The following FAM114A2 variants were observed in gnomAD, a reference collection of about 807,000 sequenced individuals.
FAM114A2 encodes the protein protein FAM114A2.
In FAM114A2, 53 loss-of-function variants were observed where a neutral mutation model predicts 58.4. The ratio of observed to expected loss-of-function variants is 0.91; its 90% confidence interval spans 0.73 to 1.14. The LOEUF (loss-of-function observed/expected upper bound fraction) is 1.14. Among genes scored for constraint, FAM114A2 ranks in the 50% most tolerant of loss-of-function variants. The pLI is 0.00. For synonymous variants in FAM114A2, 228 were observed against 211.4 expected (o/e 1.08, Z -0.68); for missense variants, 601 against 581.1 (o/e 1.03, Z -0.35).
intron 12 of FAM114A2, among the ~76,000 whole-genome samples, chr5:153,996,833 C>G (rs1443839849): frequency 6.6e-6 from 1 of 151,546 alleles, no homozygotes; most frequent in Admixed American, 6.6e-5. Context: ...CCTGTCTCTA[C>G]TAAAAATACA....
chr5:154,024,214 T>C (rs1771629777), intron 8 of FAM114A2, among the ~76,000 whole-genome samples: 1 of 152,196 alleles, frequency 6.6e-6, no homozygotes, highest in African/African-American at 2.4e-5. Flanking sequence ...CTCAAACTTG[T>C]TGGTCTCAGG....
intron 4 of FAM114A2, 69 bp downstream of exon 4, chr5:154,033,722 A>G: frequency 1.1e-6 from 1 of 883,788 alleles, no homozygotes; most frequent in Non-Finnish European, 1.9e-6. Context: ...ATAAATACCT[A>G]CTGAAAAATT....
chr5:153,990,531 T>G lies in FAM114A2; in HGVS notation c.*2445A>C, dbSNP rs1186875406. The G allele has an allele frequency of 6.7e-6, 1 of 150,056 alleles. No individual in the cohort carries two copies. Among genetic ancestry groups the G allele is most frequent in the African/African-American group, 2.4e-5 (1 of 40,832 alleles). 9.3% of individuals were successfully genotyped at this position (150,056 alleles called of 1,614,324 possible). ...AAAAAAAAAAACTATCAAAAGCAAGTAAGGAAAATATAGCTTGTCCTTAAC... is the reference window on the plus strand; with the variant it reads ...AAAAAAAAAAACTATCAAAAGCAAGGAAGGAAAATATAGCTTGTCCTTAAC... On this transcript the variant is annotated 3_prime_UTR_variant, in exon 14 of 14. Transcript: ENST00000351797.
chr5:154,020,489 A>G (rs1431810276), intron 8 of FAM114A2, among the ~76,000 whole-genome samples: 1 of 152,252 alleles, frequency 6.6e-6, no homozygotes, highest in East Asian at 1.9e-4. Context: ...ACAGAAATAC[A>G]AACTACCATC....
chr5:154,003,232 G>A (rs533897247), intron 9 of FAM114A2, among the ~76,000 whole-genome samples: 74 of 149,316 alleles, frequency 5.0e-4, no homozygotes, highest in African/African-American at 1.7e-3. Context: ...AGGCTGGAGT[G>A]CAATGGCACA....
chr5:153,992,862 T>C lies in FAM114A2; in HGVS notation c.*114A>G. The C allele has an allele frequency of 1.1e-6, 1 of 903,518 alleles. No homozygotes were observed. Among genetic ancestry groups the C allele is most frequent in the East Asian group, 2.6e-5 (1 of 38,846 alleles). 56.0% of individuals were successfully genotyped at this position (903,518 alleles called of 1,614,324 possible). On this transcript the variant is annotated 3_prime_UTR_variant, in exon 14 of 14. Coordinates refer to ENST00000351797, the MANE Select transcript of FAM114A2 (RefSeq NM_018691.4). ...ATCTTCCTCTTTAAACCATCTCTCC[T>C]GCCTGAATTTTTATATACTAAAATA...
chr5:154,031,547 G>GAAGACAGA (rs1554084887), intron 4 of FAM114A2, among the ~76,000 whole-genome samples: 19 of 152,228 alleles, frequency 1.2e-4, no homozygotes, highest in African/African-American at 4.1e-4. Context: ...AGGAACTTTA[G>GAAGACAGA]AAGATAGAAG....
rs940327274 is a variant in FAM114A2, at chr5:154,027,107, A to G, written c.789+69T>C. On this transcript the variant is annotated intron_variant, in intron 7 of 13. Coordinates refer to ENST00000351797, the MANE Select transcript of FAM114A2 (RefSeq NM_018691.4). Reference sequence around the variant, plus strand: ...CACTTCATCTTCCAAATGTACAAAGAGAAAGGAAACCATGCAGCATTCTTT... The same window carrying G: ...CACTTCATCTTCCAAATGTACAAAGGGAAAGGAAACCATGCAGCATTCTTT... The G allele has an allele frequency of 3.3e-4, 436 of 1,301,744 alleles. 2 individuals carry two copies. The highest frequency in any genetic ancestry group is 4.4e-4 in the Non-Finnish European group (414 of 935,222). 80.6% of individuals were successfully genotyped at this position (1,301,744 alleles called of 1,614,324 possible). A position where few individuals can be genotyped will look rare whatever the true frequency, so the allele number is the denominator to read the frequency against.
rs1490836305 is a variant in FAM114A2 at position 154,034,926 on chromosome 5, G to C, written c.28C>G (p.Pro10Ala). The change falls in exon 2 of 14, where the codon CCA becomes GCA. Residue 10 changes from proline to alanine, a missense_variant. Coordinates refer to ENST00000351797, the MANE Select transcript of FAM114A2 (RefSeq NM_018691.4). MSDKDDIET[P>A]LLTEAAPILE... is the part of the protein sequence containing the mutation. ...ATGGGGGCTGCTTCAGTTAGCAGTG[G>C]AGTCTCAATATCATCTTTATCTGAC... 6.2e-7 allele frequency: 1 copy of C among 1,613,714 alleles called. No individual in the cohort carries two copies. Among genetic ancestry groups the C allele is most frequent in the Non-Finnish European group, 8.5e-7 (1 of 1,179,782 alleles).
At chr5:154,010,853 T>C (rs1320986800) in intron 9 of FAM114A2, among the ~76,000 whole-genome samples, 1 of 152,158 alleles carries the variant, frequency 6.6e-6, no homozygotes, top group Non-Finnish European at 1.5e-5. Flanking sequence ...CTAATCCCTA[T>C]GGGCAAGGCC....
chr5:154,034,867 A>ATTCT lies in FAM114A2; in HGVS notation c.83_86dup (p.Asn29LysfsTer4). The ATTCT allele has an allele frequency of 7.4e-6, 12 of 1,614,026 alleles. No homozygotes were observed. Among genetic ancestry groups the ATTCT allele is most frequent in the Non-Finnish European group, 1.0e-5 (12 of 1,179,914 alleles). On this transcript the variant is annotated frameshift_variant, in exon 2 of 14. Coordinates refer to ENST00000351797, the MANE Select transcript of FAM114A2 (RefSeq NM_018691.4). LOFTEE classifies it high-confidence loss of function. ...TGGCACCTTGGTCAACAGACTCAGA[A>ATTCT]TTCTTGGCTGGCTCACAGTTTCCAT... is the stretch of plus-strand genomic sequence containing the variant.
rs1771789190 is a variant in FAM114A2, at chr5:154,026,587, G to A, written c.790-65C>T. ...AGAAAAGAAAAACATTCACAAATAG[G>A]GAAGAGACTATAAAAAGATCATATT... On this transcript the variant is annotated intron_variant, in intron 7 of 13. Coordinates refer to ENST00000351797, the MANE Select transcript of FAM114A2 (RefSeq NM_018691.4). 5.3e-6 allele frequency: 6 copies of A among 1,134,154 alleles called. 1 individual carries two copies. The East Asian group carries it at 1.7e-4, about 33-fold the overall frequency. 70.3% of individuals were successfully genotyped at this position (1,134,154 alleles called of 1,614,324 possible). A position where few individuals can be genotyped will look rare whatever the true frequency, so the allele number is the denominator to read the frequency against.
rs375619526 is a variant in FAM114A2, at chr5:154,000,175, T to C, written c.1256+2076A>G. Among the ~76,000 whole-genome samples the C allele has an allele frequency of 5.3e-5, 8 of 152,052 alleles. No homozygotes were observed. The South Asian group carries it at 6.2e-4, about 12-fold the overall frequency. On this transcript the variant is annotated intron_variant, in intron 11 of 13. Coordinates refer to ENST00000351797, the MANE Select transcript of FAM114A2 (RefSeq NM_018691.4). ...CTTACGGAAATAGAGAACAGAACAA[T>C]TGTGATACCAGAAATGGGGAAAGGT...
intron 4 of FAM114A2, among the ~76,000 whole-genome samples, chr5:154,031,053 T>C (rs183263831): frequency 5.9e-5 from 9 of 152,154 alleles, no homozygotes; most frequent in Admixed American, 1.3e-4. Context: ...AGCTTATACC[T>C]GTAATCCCAG....
intron 2 of FAM114A2, 27 bp downstream of exon 2, chr5:154,034,717 C>T (rs1772429259): frequency 6.7e-7 from 1 of 1,487,008 alleles, no homozygotes; most frequent in Non-Finnish European, 9.4e-7. Flanking sequence ...TTAATAGATA[C>T]CCTACTTTTT....
At chr5:154,012,045 T>C (rs1012561715) in intron 8 of FAM114A2, among the ~76,000 whole-genome samples, 3 of 152,084 alleles carry the variant, frequency 2.0e-5, no homozygotes, top group African/African-American at 7.2e-5. Context: ...AAAGATCACT[T>C]TGGTGGCTGG....
chr5:154,009,238 GA>G (rs1400038637), intron 9 of FAM114A2, among the ~76,000 whole-genome samples: 9 of 152,142 alleles, frequency 5.9e-5, no homozygotes, highest in Non-Finnish European at 2.9e-5. Flanking sequence ...TGTTATGCCA[GA>G]AAATAAGGAA....
chr5:154,006,309 G>GCAAA (rs1554081637), intron 9 of FAM114A2, among the ~76,000 whole-genome samples: 2 of 152,146 alleles, frequency 1.3e-5, no homozygotes, highest in African/African-American at 4.8e-5. Context: ...CAATTAGCAA[G>GCAAA]CAAACAAACA....
intron 8 of FAM114A2, among the ~76,000 whole-genome samples, chr5:154,017,661 A>T (rs1378196146): frequency 6.6e-6 from 1 of 152,146 alleles, no homozygotes; most frequent in African/African-American, 2.4e-5. Flanking sequence ...CAGTGCATGG[A>T]ACTTTCTCCA....
Sources: allele counts gnomAD v4.1 joint callset (sites outside exome capture counted in the v4.1 genomes callset), GRCh38; gene constraint gnomAD v4.1.1; transcripts MANE v1.5; gene names NCBI Gene and HGNC (gene_info 2026-07-23, HGNC 2026-07-21).